PAX3: variants seen among roughly 807,000 people sequenced by gnomAD.
The protein encoded by PAX3 is paired box 3.
Under a neutral mutation model 51.6 loss-of-function variants are expected in PAX3, and 14 were observed. The ratio of observed to expected loss-of-function variants is 0.27; its 90% CI spans 0.18 to 0.42. The LOEUF (loss-of-function observed/expected upper bound fraction) is 0.42. Among genes scored for constraint, PAX3 ranks in the 10% least tolerant of loss-of-function variants. The pLI is 1.00. For missense variants in PAX3, 540 were observed against 642.8 expected (o/e 0.84, Z 1.73); for synonymous variants, 280 against 253.4 (o/e 1.11, Z -1.00).
chr2:222,227,730 A>T (rs200729140), intron 5 of PAX3, among the ~76,000 whole-genome samples: 2,450 of 89,682 alleles, frequency 0.027, 35 homozygotes, highest in African/African-American at 0.039. Flanking sequence ...CATCTTTTTT[A>T]AAAAAAAAAA....
chr2:222,293,539 A>G (rs960032065), intron 4 of PAX3: 2 of 1,320,672 alleles, frequency 1.5e-6, no homozygotes, highest in South Asian at 1.3e-5. Flanking sequence ...GATCCCTTCA[A>G]TTTGTAACCC....
At chr2:222,223,631 G>T (rs879518655) in intron 5 of PAX3, among the ~76,000 whole-genome samples, 2 of 152,132 alleles carry the variant, frequency 1.3e-5, no homozygotes, top group African/African-American at 2.4e-5. Flanking sequence ...ATTATAATAC[G>T]TCAAGACTAA....
intron 4 of PAX3, chr2:222,293,750 G>A (rs746135299): frequency 2.4e-5 from 39 of 1,613,876 alleles, no homozygotes; most frequent in Non-Finnish European, 3.0e-5. Context: ...CGGAGACCAG[G>A]GCCTTTCCTG....
chr2:222,283,016 G>A lies in PAX3; in HGVS notation c.586+11151C>T, dbSNP rs552481304. 5.9e-5 allele frequency among the ~76,000 whole-genome samples: 9 copies of A among 152,282 alleles called. No homozygotes were observed. The East Asian group carries it at 1.7e-3, about 29-fold the overall frequency. ...ATTTCTAAGAACTTCCCCACCATTTGGTCTCAATGCAGAAGCTAAATTCCA... is the reference window on the plus strand; with the variant it reads ...ATTTCTAAGAACTTCCCCACCATTTAGTCTCAATGCAGAAGCTAAATTCCA... On this transcript the variant is annotated intron_variant, in intron 4 of 8. Coordinates refer to ENST00000392070, the MANE Select transcript of PAX3 (RefSeq NM_181458.4).
At chr2:222,206,263 T>C (rs544709120) in intron 7 of PAX3, among the ~76,000 whole-genome samples, 1 of 152,242 alleles carries the variant, frequency 6.6e-6, no homozygotes, top group South Asian at 2.1e-4. Context: ...TCACACTCAT[T>C]AAATGCCAGG....
intron 4 of PAX3, chr2:222,293,887 C>A: frequency 1.9e-6 from 3 of 1,600,258 alleles, no homozygotes; most frequent in Non-Finnish European, 2.6e-6. Flanking sequence ...CTGCCCCCTA[C>A]AACAGAGCAC....
intron 7 of PAX3, 63 bp downstream of exon 7, chr2:222,220,077 C>G: frequency 7.2e-7 from 1 of 1,385,772 alleles, no homozygotes; most frequent in Non-Finnish European, 1.0e-6. Context: ...ACTACTGCCT[C>G]AGGGAATTGA....
At chr2:222,280,285 A>AAG (rs879701117) in intron 4 of PAX3, among the ~76,000 whole-genome samples, 1 of 131,678 alleles carries the variant, frequency 7.6e-6, no homozygotes, top group Non-Finnish European at 1.6e-5. Context: ...GAAGGAGAGA[A>AAG]AGAGAGAGAG....
intron 7 of PAX3, among the ~76,000 whole-genome samples, chr2:222,203,383 G>A (rs1006907605): frequency 3.9e-5 from 6 of 152,006 alleles, no homozygotes; most frequent in Non-Finnish European, 5.9e-5. Context: ...GAGCCCCCCC[G>A]AAGACACATC....
intron 5 of PAX3, among the ~76,000 whole-genome samples, chr2:222,231,683 G>A (rs1028344426): frequency 2.6e-5 from 4 of 152,158 alleles, no homozygotes; most frequent in Admixed American, 2.0e-4. Context: ...ATTTGTAAAT[G>A]GAGAGTAGCA....
chr2:222,236,165 ATAC>A (rs1412737115), intron 4 of PAX3, among the ~76,000 whole-genome samples: 2 of 152,258 alleles, frequency 1.3e-5, no homozygotes, highest in African/African-American at 4.8e-5. Context: ...AAACATGGAA[ATAC>A]TACTATTTCT....
At chr2:222,244,169 C>G (rs1574680268) in intron 4 of PAX3, among the ~76,000 whole-genome samples, 1 of 152,174 alleles carries the variant, frequency 6.6e-6, no homozygotes, top group African/African-American at 2.4e-5. Flanking sequence ...TTATCACCAG[C>G]CTTAGGTAGG....
intron 4 of PAX3, among the ~76,000 whole-genome samples, chr2:222,276,853 A>G (rs1334619142): frequency 6.6e-6 from 1 of 152,252 alleles, no homozygotes; most frequent in Non-Finnish European, 1.5e-5. Context: ...GGGGCTCCCT[A>G]CAAAGACAGA....
At chr2:222,270,451 G>A (rs568578680) in intron 4 of PAX3, among the ~76,000 whole-genome samples, 1 of 152,142 alleles carries the variant, frequency 6.6e-6, no homozygotes, top group South Asian at 2.1e-4. Flanking sequence ...TGCCAATTTT[G>A]CATTCGTGCA....
Position 222,245,034 on chromosome 2 carries a change from G to C in PAX3, c.587-12751C>G, listed in dbSNP as rs150764863. Among the ~76,000 whole-genome samples, 39 of 152,236 alleles carry C rather than the reference G, an allele frequency of 2.6e-4. No individual in the cohort carries two copies. The East Asian group carries it at 7.3e-3, about 29-fold the overall frequency. ...ATGATGGTGCACACCTGTAATCCCA[G>C]CTATTCAGGAGGCTGAGGCACGAGA... On this transcript the variant is annotated intron_variant, in intron 4 of 8. Transcript: ENST00000392070.
At chr2:222,278,624 C>A (rs768753944) in intron 4 of PAX3, among the ~76,000 whole-genome samples, 6 of 152,190 alleles carry the variant, frequency 3.9e-5, no homozygotes, top group Non-Finnish European at 7.3e-5. Context: ...TGCTCTTGGT[C>A]CAACCTGGCT....
At chr2:222,256,049 G>A (rs554749615) in intron 4 of PAX3, among the ~76,000 whole-genome samples, 1 of 151,146 alleles carries the variant, frequency 6.6e-6, no homozygotes, top group Non-Finnish European at 1.5e-5. Context: ...GATTATAGGC[G>A]TGAGCCACCA....
At chr2:222,270,451 G>T (rs568578680) in intron 4 of PAX3, among the ~76,000 whole-genome samples, 1 of 152,260 alleles carries the variant, frequency 6.6e-6, no homozygotes, top group Non-Finnish European at 1.5e-5. Context: ...TGCCAATTTT[G>T]CATTCGTGCA....
intron 4 of PAX3, chr2:222,264,987 G>A (rs1377900999): frequency 6.6e-6 from 1 of 152,172 alleles, no homozygotes; most frequent in Non-Finnish European, 1.5e-5. Flanking sequence ...TCTCTTCAAG[G>A]AAGCATTTCC....
Sources: allele counts gnomAD v4.1 joint callset (sites outside exome capture counted in the v4.1 genomes callset), GRCh38; gene constraint gnomAD v4.1.1; transcripts MANE v1.5; gene names NCBI Gene and HGNC (gene_info 2026-07-23, HGNC 2026-07-21).